The following GRID2 variants were observed in gnomAD, a reference collection of about 807,000 sequenced individuals.
GRID2 encodes the protein glutamate receptor ionotropic, delta-2.
Under a neutral mutation model 114.8 loss-of-function variants are expected in GRID2, and 33 were observed. The observed-to-expected ratio is 0.29, with a 90% confidence interval of 0.22 to 0.38. The LOEUF (loss-of-function observed/expected upper bound fraction) is 0.38, where lower values mean the gene tolerates loss of function less well. GRID2 is among the 10% of genes least tolerant of loss of function. GRID2 has a pLI of 1.00. For missense variants in GRID2, 1,184 were observed against 1,257.7 expected, an observed-to-expected ratio of 0.94 and a Z score of 0.89; for synonymous variants, 505 against 449.9, an observed-to-expected ratio of 1.12 and a Z score of -1.55.
chr4:93,594,339 G>A (rs1738781117), intron 13 of GRID2, among the ~76,000 whole-genome samples: 1 of 152,184 alleles, frequency 6.6e-6, no homozygotes, highest in Non-Finnish European at 1.5e-5. Context: ...TGCCCCTGCT[G>A]GAGGGTGCCT....
At chr4:93,259,695 G>A (rs890369728) in intron 8 of GRID2, among the ~76,000 whole-genome samples, 2 of 151,562 alleles carry the variant, frequency 1.3e-5, no homozygotes, top group Non-Finnish European at 3.0e-5. Context: ...TGAATGTAAC[G>A]GTTACATGTA....
intron 2 of GRID2, among the ~76,000 whole-genome samples, chr4:92,772,407 T>C (rs1453358089): frequency 1.3e-5 from 2 of 152,102 alleles, no homozygotes; most frequent in Non-Finnish European, 2.9e-5. Flanking sequence ...TCTTTCTTCC[T>C]GCAGTTTATG....
intron 8 of GRID2, among the ~76,000 whole-genome samples, chr4:93,365,246 A>G (rs1762229735): frequency 6.6e-6 from 1 of 152,142 alleles, no homozygotes; most frequent in Admixed American, 6.6e-5. Context: ...ATGTTTCTAT[A>G]AACCATCCAG....
chr4:93,040,848 G>T (rs1401195506), intron 2 of GRID2, among the ~76,000 whole-genome samples: 1 of 151,960 alleles, frequency 6.6e-6, no homozygotes, highest in African/African-American at 2.4e-5. Context: ...CGAGGTCGGC[G>T]AATTTACAAG....
At chr4:92,418,851 C>T (rs1217186729) in intron 1 of GRID2, among the ~76,000 whole-genome samples, 1 of 151,914 alleles carries the variant, frequency 6.6e-6, no homozygotes, top group Non-Finnish European at 1.5e-5. Context: ...AGAAGAGCTT[C>T]AAAAAATAAT....
intron 2 of GRID2, among the ~76,000 whole-genome samples, chr4:92,592,403 G>GA (rs1728748791): frequency 6.6e-6 from 1 of 151,790 alleles, no homozygotes; most frequent in Non-Finnish European, 1.5e-5. Context: ...AAATTAAGAA[G>GA]AAAAAGTCCC....
intron 14 of GRID2, among the ~76,000 whole-genome samples, chr4:93,763,669 A>T (rs1733398751): frequency 6.6e-6 from 1 of 152,182 alleles, no homozygotes; most frequent in Admixed American, 6.5e-5. Flanking sequence ...GAGCAACTTA[A>T]AAAGTCATTT....
At chr4:93,058,687 T>G (rs1235043449) in intron 2 of GRID2, among the ~76,000 whole-genome samples, 1 of 152,022 alleles carries the variant, frequency 6.6e-6, no homozygotes, top group Non-Finnish European at 1.5e-5. Flanking sequence ...CTAACTTTTC[T>G]TCCTATTACA....
chr4:93,240,125 G>T (rs956063232), intron 8 of GRID2, among the ~76,000 whole-genome samples: 62 of 151,562 alleles, frequency 4.1e-4, no homozygotes, highest in Non-Finnish European at 8.9e-5. Flanking sequence ...TTTTATGCTT[G>T]TAGGTGTATT....
chr4:93,648,882 T>C (rs2149718445), intron 14 of GRID2, among the ~76,000 whole-genome samples: 1 of 152,274 alleles, frequency 6.6e-6, no homozygotes, highest in Non-Finnish European at 1.5e-5. Flanking sequence ...TGCAAACACA[T>C]ACAGTTGCTA....
chr4:93,442,722 TATC>T (rs1721737364), intron 10 of GRID2, among the ~76,000 whole-genome samples: 3 of 152,128 alleles, frequency 2.0e-5, no homozygotes, highest in Middle Eastern at 3.4e-3. Flanking sequence ...TGGATTCAAT[TATC>T]ATCTATAAGT....
chr4:93,195,452 A>G (rs1422302271), intron 4 of GRID2, among the ~76,000 whole-genome samples: 1 of 152,022 alleles, frequency 6.6e-6, no homozygotes, highest in African/African-American at 2.4e-5. Context: ...TTATGTACTT[A>G]CTTCCAGCTC....
chr4:92,810,132 T>C (rs1056085991), intron 2 of GRID2, among the ~76,000 whole-genome samples: 8 of 152,022 alleles, frequency 5.3e-5, no homozygotes, highest in Non-Finnish European at 1.2e-4. Flanking sequence ...TAATATTTGA[T>C]TGAACAATAT....
At chr4:93,291,338 A>G (rs2149146065) in intron 8 of GRID2, among the ~76,000 whole-genome samples, 1 of 152,294 alleles carries the variant, frequency 6.6e-6, no homozygotes, top group Non-Finnish European at 1.5e-5. Context: ...TGATTTTGCC[A>G]TGTAATAGGG....
At chr4:93,178,788 A>ACCT (rs1554002440) in intron 4 of GRID2, among the ~76,000 whole-genome samples, 1 of 151,556 alleles carries the variant, frequency 6.6e-6, no homozygotes, top group Admixed American at 6.6e-5. Flanking sequence ...GTTTTAAAAA[A>ACCT]TCTTTATGTT....
chr4:93,236,347 C>A (rs922343639), intron 7 of GRID2, among the ~76,000 whole-genome samples: 2 of 151,930 alleles, frequency 1.3e-5, no homozygotes, highest in Admixed American at 6.6e-5. Flanking sequence ...GCATGGCTCC[C>A]CAGGTTCTTT....
chr4:93,405,163 G>T (rs1766285780), intron 9 of GRID2, among the ~76,000 whole-genome samples: 1 of 151,932 alleles, frequency 6.6e-6, no homozygotes, highest in Non-Finnish European at 1.5e-5. Context: ...ATTTTGTTTT[G>T]TCTCTTCTTC....
chr4:93,403,322 C>T (rs1289385924), intron 9 of GRID2, among the ~76,000 whole-genome samples: 1 of 151,996 alleles, frequency 6.6e-6, no homozygotes, highest in Non-Finnish European at 1.5e-5. Context: ...GAACACAGTT[C>T]CCACAGTTTC....
Position 92,935,924 on chromosome 4 carries a change from T to C in GRID2, c.245-149071T>C, listed in dbSNP as rs1437061518. Among the ~76,000 whole-genome samples, 3 of 145,554 alleles carry C rather than the reference T, an allele frequency of 2.1e-5. 1 individual carries two copies. Among genetic ancestry groups the C allele is most frequent in the East Asian group, 4.4e-4 (2 of 4,564 alleles). Reference sequence around the variant, plus strand: ...GGGGGAGGGATAGCATTAAGAGATATACCTAATGCTAAATGAGGAGTTAAT... The same window carrying C: ...GGGGGAGGGATAGCATTAAGAGATACACCTAATGCTAAATGAGGAGTTAAT... On this transcript the variant is annotated intron_variant, in intron 2 of 15. Coordinates refer to ENST00000282020, the MANE Select transcript of GRID2 (RefSeq NM_001510.4).
Sources: gnomAD v4.1 joint callset for allele counts (sites outside exome capture counted in the v4.1 genomes callset) on GRCh38, gnomAD v4.1.1 for gene constraint, MANE v1.5 for transcripts, NCBI Gene and HGNC (gene_info 2026-07-23, HGNC 2026-07-21) for gene names.